ITGA8: variants seen among roughly 807,000 people sequenced by gnomAD.
The protein encoded by ITGA8 is integrin subunit alpha 8, also known as integrin alpha-8.
Under a neutral mutation model 142.3 loss-of-function variants are expected in ITGA8, and 91 were observed. The ratio of observed to expected loss-of-function variants is 0.64; its 90% CI spans 0.54 to 0.76. The LOEUF is 0.76. Among genes scored for constraint, ITGA8 ranks in the 30% least tolerant of loss-of-function variants. The pLI is 0.00. For missense variants in ITGA8, 1,406 were observed against 1,327.7 expected, an observed-to-expected ratio of 1.06 and a Z score of -0.92; for synonymous variants, 505 against 485.2, an observed-to-expected ratio of 1.04 and a Z score of -0.54.
intron 4 of ITGA8, among the ~76,000 whole-genome samples, chr10:15,683,090 C>T (rs979489010): frequency 6.6e-6 from 1 of 152,084 alleles, no homozygotes; most frequent in Admixed American, 6.5e-5. Context: ...TTCTTTAAGT[C>T]AATTTCCTGA....
At chr10:15,598,672 A>G (rs900828064) in intron 20 of ITGA8, among the ~76,000 whole-genome samples, 3 of 152,236 alleles carry the variant, frequency 2.0e-5, no homozygotes, top group Non-Finnish European at 4.4e-5. Flanking sequence ...AGAGAAGGCT[A>G]CAATGAAACA....
intron 13 of ITGA8, among the ~76,000 whole-genome samples, chr10:15,639,938 AAGGCACAGT>A (rs1219946748): frequency 7.7e-6 from 1 of 129,158 alleles, no homozygotes; most frequent in Non-Finnish European, 1.7e-5. Flanking sequence ...TGAAGCTCAG[AAGGCACAGT>A]AATCTGTGTT....
At chr10:15,704,874 G>T (rs1408107675) in intron 2 of ITGA8, among the ~76,000 whole-genome samples, 1 of 152,188 alleles carries the variant, frequency 6.6e-6, no homozygotes, top group Non-Finnish European at 1.5e-5. Flanking sequence ...ACTTGAAAAT[G>T]TATTTACACT....
At chr10:15,546,763 A>G (rs1239200833) in intron 27 of ITGA8, among the ~76,000 whole-genome samples, 4 of 151,612 alleles carry the variant, frequency 2.6e-5, no homozygotes, top group Admixed American at 2.0e-4. Context: ...AAAGAGAGAG[A>G]AAGAAAAGAG....
chr10:15,646,702 C>A (rs1564390137), intron 12 of ITGA8, 144 bp downstream of exon 12: 4 of 587,246 alleles, frequency 6.8e-6, no homozygotes, highest in Non-Finnish European at 1.2e-5. Context: ...CGTAAAGCTG[C>A]CTTGAGATTT....
intron 23 of ITGA8, among the ~76,000 whole-genome samples, chr10:15,584,238 A>G (rs1834472597): frequency 6.6e-6 from 1 of 152,228 alleles, no homozygotes; most frequent in Non-Finnish European, 1.5e-5. Flanking sequence ...GAGAGGTTGC[A>G]GTGAGCTGAG....
intron 2 of ITGA8, among the ~76,000 whole-genome samples, chr10:15,716,149 T>A (rs1835447382): frequency 6.6e-6 from 1 of 152,228 alleles, no homozygotes; most frequent in Non-Finnish European, 1.5e-5. Flanking sequence ...TTGTGTAGCC[T>A]TTCCTGCCTT....
At chr10:15,596,015 C>T (rs1343223401) in intron 21 of ITGA8, among the ~76,000 whole-genome samples, 2 of 152,316 alleles carry the variant, frequency 1.3e-5, no homozygotes, top group East Asian at 3.9e-4. Flanking sequence ...CGTGCCATTG[C>T]ACTTCAGCCT....
chr10:15,548,797 A>G (rs1453771095), intron 26 of ITGA8, among the ~76,000 whole-genome samples: 1 of 152,244 alleles, frequency 6.6e-6, no homozygotes, highest in Non-Finnish European at 1.5e-5. Flanking sequence ...AACGACTTTA[A>G]GAGAATCTTT....
chr10:15,709,059 G>T (rs1835314427), intron 2 of ITGA8, among the ~76,000 whole-genome samples: 1 of 152,060 alleles, frequency 6.6e-6, no homozygotes, highest in African/African-American at 2.4e-5. Flanking sequence ...GTTAACAAAG[G>T]CCCCATCCTA....
At position 15,602,112 on chromosome 10, in the gene ITGA8, T is replaced by A. The variant is rs181488217; in HGVS notation, c.2118+2096A>T. Among the ~76,000 whole-genome samples the A allele has an allele frequency of 3.0e-4, 45 of 152,324 alleles. No homozygotes were observed. The East Asian group carries it at 8.7e-3, about 29-fold the overall frequency. ...CTGGATGTTCTGCTAAAAGAACATT[T>A]TAGAATAGGTCCTTTGTTTAGTGAA... On this transcript the variant is annotated intron_variant, in intron 20 of 29. Coordinates refer to ENST00000378076, the MANE Select transcript of ITGA8 (RefSeq NM_003638.3).
rs138109209 is a variant in ITGA8, at chr10:15,641,539, T to C, written c.1399+2491A>G. On this transcript the variant is annotated intron_variant, in intron 13 of 29. Transcript: ENST00000378076. ...CTAGAGGATGAGGATCAGGGAAAAA[T>C]GTTATAGAATCATGAATCACAAGAT... is the stretch of plus-strand genomic sequence containing the variant. Among the ~76,000 whole-genome samples, 294 of 152,134 alleles carry C rather than the reference T, an allele frequency of 1.9e-3. 1 individual carries two copies. Among genetic ancestry groups the C allele is most frequent in the African/African-American group, 6.6e-3 (272 of 41,506 alleles).
At chr10:15,676,109 A>C (rs1046278128) in intron 6 of ITGA8, among the ~76,000 whole-genome samples, 1 of 151,622 alleles carries the variant, frequency 6.6e-6, no homozygotes, top group African/African-American at 2.4e-5. Context: ...TTCTTCCCTC[A>C]CTCTCTTAAC....
chr10:15,603,926 C>T (rs906109846), intron 20 of ITGA8, among the ~76,000 whole-genome samples: 2 of 152,140 alleles, frequency 1.3e-5, no homozygotes, highest in Non-Finnish European at 2.9e-5. Flanking sequence ...GCTTTTTGAT[C>T]GCATTGGTAA....
In ITGA8 at chr10:15,672,879, C is replaced by T. The variant is rs533469051; in HGVS notation, c.677-130G>A. The stretch of plus-strand genomic sequence containing the variant: ...TTTGATGATGAATTTTCCCGCCTGC[C>T]GCTCAAACTCCAAGGCAGAGTTAGT... On this transcript the variant is annotated intron_variant, in intron 6 of 29. Coordinates refer to ENST00000378076, the MANE Select transcript of ITGA8 (RefSeq NM_003638.3). 44 of 965,218 alleles carry T rather than the reference C, an allele frequency of 4.6e-5. No homozygotes were observed. The South Asian group carries it at 5.1e-4, about 11-fold the overall frequency. The allele number at this position is 965,218 out of a possible 1,614,324, so 59.8% of individuals were successfully genotyped here.
intron 25 of ITGA8, among the ~76,000 whole-genome samples, chr10:15,569,588 T>C (rs12570736): frequency 0.29 from 43,543 of 152,006 alleles, 7,288 homozygotes; most frequent in Non-Finnish European, 0.38. Flanking sequence ...AAACTAACTA[T>C]ACAATTTTTT....
chr10:15,522,695 C>G (rs1833092969), intron 28 of ITGA8, among the ~76,000 whole-genome samples: 1 of 152,210 alleles, frequency 6.6e-6, no homozygotes, highest in African/African-American at 2.4e-5. Context: ...GGCAATGGAT[C>G]TTTCCTCTCC....
chr10:15,586,048 G>GTTTTTTT (rs1564362665), intron 23 of ITGA8, among the ~76,000 whole-genome samples: 6 of 120,484 alleles, frequency 5.0e-5, no homozygotes, highest in African/African-American at 2.0e-4. Context: ...GGAATAAAGT[G>GTTTTTTT]ATTTTTTTTT....
chr10:15,530,677 G>A (rs1448894769), intron 28 of ITGA8, among the ~76,000 whole-genome samples: 5 of 151,810 alleles, frequency 3.3e-5, no homozygotes, highest in African/African-American at 4.8e-5. Flanking sequence ...CGGCTGCTCC[G>A]TAGCCTACTA....
Sources: gnomAD v4.1 joint callset for allele counts (sites outside exome capture counted in the v4.1 genomes callset) on GRCh38, gnomAD v4.1.1 for gene constraint, MANE v1.5 for transcripts, NCBI Gene and HGNC (gene_info 2026-07-23, HGNC 2026-07-21) for gene names.